The following RAD51AP1 variants were observed in gnomAD, a reference collection of about 807,000 sequenced individuals.
RAD51AP1 encodes RAD51-associated protein 1.
Under a neutral mutation model 34.3 loss-of-function variants are expected in RAD51AP1, and 14 were observed. The observed-to-expected ratio is 0.41, with a 90% CI of 0.27 to 0.64. The LOEUF is 0.64. Ranked by LOEUF, RAD51AP1 falls within the 30% of genes least tolerant of loss-of-function variation. The pLI is 0.33. For missense variants in RAD51AP1, 348 were observed against 386.9 expected (o/e 0.90, Z 0.84); for synonymous variants, 114 against 129.8 (o/e 0.88, Z 0.83).
At chr12:4,548,969 A>G (rs750561718) in intron 6 of RAD51AP1, 133 bp downstream of exon 6, 71 of 899,314 alleles carry the variant, frequency 7.9e-5, no homozygotes, top group Non-Finnish European at 1.1e-4. Flanking sequence ...AGAACAGTTC[A>G]ATTCAGTGAT....
intron 8 of RAD51AP1, among the ~76,000 whole-genome samples, chr12:4,558,148 T>C (rs986403913): frequency 6.6e-6 from 1 of 151,330 alleles, no homozygotes; most frequent in Non-Finnish European, 1.5e-5. Context: ...CCAAGAACTA[T>C]TAATACAACA....
At chr12:4,556,221 T>C (rs1016164106) in intron 7 of RAD51AP1, 132 bp from the exon 8 acceptor site, 384 of 720,970 alleles carry the variant, frequency 5.3e-4, no homozygotes, top group Middle Eastern at 3.9e-4. Context: ...TCTTAGGCTC[T>C]CAATAAATGT....
intron 3 of RAD51AP1, chr12:4,545,863 C>T: frequency 3.8e-6 from 6 of 1,596,754 alleles, no homozygotes; most frequent in Middle Eastern, 1.7e-4. Context: ...TTGTTAAAGT[C>T]TGGATTGGGA....
At chr12:4,555,950 T>C (rs1944579039) in intron 7 of RAD51AP1, among the ~76,000 whole-genome samples, 1 of 152,174 alleles carries the variant, frequency 6.6e-6, no homozygotes, top group Non-Finnish European at 1.5e-5. Context: ...GCCTGACACA[T>C]AATCTCACTG....
At chr12:4,553,204 C>T (rs1019190680) in intron 7 of RAD51AP1, 57 bp downstream of exon 7, 6 of 1,356,828 alleles carry the variant, frequency 4.4e-6, no homozygotes, top group East Asian at 2.6e-5. Flanking sequence ...GTTTGTTTGC[C>T]GTATTTTTCT....
chr12:4,548,010 AT>A, intron 4 of RAD51AP1, 81 bp from the exon 5 acceptor site: 1 of 1,353,508 alleles, frequency 7.4e-7, no homozygotes, highest in Non-Finnish European at 1.0e-6. Flanking sequence ...TCTAAATGCT[AT>A]TACATTTTAG....
intron 1 of RAD51AP1, among the ~76,000 whole-genome samples, chr12:4,541,655 G>A (rs984006675): frequency 6.6e-5 from 10 of 151,890 alleles, no homozygotes; most frequent in African/African-American, 9.7e-5. Flanking sequence ...AAATCCCCGC[G>A]GTAAAATGCA....
chr12:4,554,305 C>T (rs1944567605), intron 7 of RAD51AP1, among the ~76,000 whole-genome samples: 1 of 152,180 alleles, frequency 6.6e-6, no homozygotes, highest in Non-Finnish European at 1.5e-5. Context: ...TCTTCCTGCT[C>T]ACGTTTACTT....
At chr12:4,543,294 CA>C (rs1196531517) in intron 2 of RAD51AP1, among the ~76,000 whole-genome samples, 1 of 152,168 alleles carries the variant, frequency 6.6e-6, no homozygotes, top group Non-Finnish European at 1.5e-5. Context: ...CTCGTGACTT[CA>C]GGTGATCTGC....
intron 6 of RAD51AP1, among the ~76,000 whole-genome samples, chr12:4,549,510 TA>T (rs1944531175): frequency 6.6e-6 from 1 of 152,196 alleles, no homozygotes; most frequent in Non-Finnish European, 1.5e-5. Flanking sequence ...GAATGCTTTT[TA>T]TGTGCATTAT....
chr12:4,538,897 AC>A lies in RAD51AP1; in HGVS notation c.-42del. The stretch of plus-strand genomic sequence containing the variant: ...GGAATTGAAACCGCCGCTGAAGCCA[AC>A]AAGAATTTGAGAACTGTAAATACCA... On this transcript the variant is annotated 5_prime_UTR_variant, in exon 1 of 9. Transcript: ENST00000352618. 1 of 1,612,040 alleles carries A rather than the reference AC, an allele frequency of 6.2e-7. No individual in the cohort carries two copies. Among genetic ancestry groups the A allele is most frequent in the Non-Finnish European group, 8.5e-7 (1 of 1,178,342 alleles).
intron 6 of RAD51AP1, among the ~76,000 whole-genome samples, 170 bp downstream of exon 6, chr12:4,549,006 C>T (rs141200406): frequency 1.1e-3 from 174 of 152,300 alleles, no homozygotes; most frequent in Middle Eastern, 3.4e-3. Flanking sequence ...GTTTTTTCTA[C>T]GAGTTAACCT....
At position 4,551,192 on chromosome 12, in the gene RAD51AP1, C is replaced by T. The variant is rs867672215; in HGVS notation, c.557-1791C>T. 2.7e-4 allele frequency among the ~76,000 whole-genome samples: 41 copies of T among 152,052 alleles called. 1 individual carries two copies. The highest frequency in any genetic ancestry group is 6.3e-3 in the Middle Eastern group (2 of 316). On this transcript the variant is annotated intron_variant, in intron 6 of 8. Transcript: ENST00000352618. The stretch of plus-strand genomic sequence containing the variant: ...TCAAGCCTTGAGAGCAGAATTCCAG[C>T]TCACATAAAATGCAAGAATATGGCC...
At chr12:4,539,219 A>G (rs1944433817) in intron 1 of RAD51AP1, among the ~76,000 whole-genome samples, 1 of 152,172 alleles carries the variant, frequency 6.6e-6, no homozygotes, top group Non-Finnish European at 1.5e-5. Flanking sequence ...AGCGCTTTAC[A>G]TTTCACCGAG....
intron 2 of RAD51AP1, among the ~76,000 whole-genome samples, 167 bp from the exon 3 acceptor site, chr12:4,543,596 G>A (rs544734505): frequency 3.3e-5 from 5 of 152,106 alleles, no homozygotes; most frequent in African/African-American, 9.6e-5. Flanking sequence ...AACAAAAGTC[G>A]AAATAGATAA....
intron 4 of RAD51AP1, among the ~76,000 whole-genome samples, chr12:4,547,172 GTCC>G (rs1271730229): frequency 2.6e-5 from 4 of 152,098 alleles, no homozygotes; most frequent in African/African-American, 9.7e-5. Flanking sequence ...GGCTCAAGCA[GTCC>G]TCCTGCCTCA....
At position 4,556,444 on chromosome 12, in the gene RAD51AP1, A is replaced by G. The variant is rs1015885446; in HGVS notation, c.813A>G (p.Lys271=). The G allele has an allele frequency of 1.9e-6, 3 of 1,613,670 alleles. No individual in the cohort carries two copies. The highest frequency in any genetic ancestry group is 2.5e-6 in the Non-Finnish European group (3 of 1,179,594). ...KVSLSSDTTR[K]PLEIRSPSAE... is the part of the protein sequence containing the mutation. Reference sequence around the variant, plus strand: ...CTCTGTCTTCAGATACCACTAGGAAACCATTAGAAATACGCAGTCCTTCAG... The same window carrying G: ...CTCTGTCTTCAGATACCACTAGGAAGCCATTAGAAATACGCAGTCCTTCAG... The change falls in exon 8 of 9, where the codon AAA becomes AAG. Residue 271 remains lysine (K), a synonymous_variant. Coordinates refer to ENST00000352618, the MANE Select transcript of RAD51AP1 (RefSeq NM_006479.5).
rs146802864 is a variant in RAD51AP1, at chr12:4,547,468, A to G, written c.320-624A>G. Among the ~76,000 whole-genome samples, 941 of 152,348 alleles carry G rather than the reference A, an allele frequency of 6.2e-3. 2 individuals are homozygous for G. Among genetic ancestry groups the G allele is most frequent in the Middle Eastern group, 0.014 (4 of 294 alleles). On this transcript the variant is annotated intron_variant, in intron 4 of 8. Coordinates refer to ENST00000352618, the MANE Select transcript of RAD51AP1 (RefSeq NM_006479.5). ...TTATCATGAATTACATTTAAAATGGAGGCACTGAAATTCATCTCTCTCTTT... is the reference window on the plus strand; with the variant it reads ...TTATCATGAATTACATTTAAAATGGGGGCACTGAAATTCATCTCTCTCTTT...
chr12:4,559,883 T>C lies in RAD51AP1; in HGVS notation c.*890T>C, dbSNP rs547839100. On this transcript the variant is annotated 3_prime_UTR_variant, in exon 9 of 9. Transcript: ENST00000352618. Reference sequence around the variant, plus strand: ...TTGTAATGAATATTTTATATTTACATTGAGAATTTCAACTAGCTTCTGATC... The same window carrying C: ...TTGTAATGAATATTTTATATTTACACTGAGAATTTCAACTAGCTTCTGATC... The C allele has an allele frequency of 6.8e-4, 104 of 152,330 alleles. No homozygotes were observed. The highest frequency in any genetic ancestry group is 2.5e-3 in the African/African-American group (103 of 41,578). The allele number at this position is 152,330 out of a possible 1,614,324, so 9.4% of individuals were successfully genotyped here.
Sources: allele counts gnomAD v4.1 joint callset (sites outside exome capture counted in the v4.1 genomes callset), GRCh38; gene constraint gnomAD v4.1.1; transcripts MANE v1.5; gene names NCBI Gene and HGNC (gene_info 2026-07-23, HGNC 2026-07-21).